BIRC6: variants seen among roughly 807,000 people sequenced by gnomAD.
BIRC6 encodes the protein baculoviral IAP repeat containing 6.
In BIRC6, 98 loss-of-function variants were observed where a neutral mutation model predicts 503.3. That is an observed-to-expected ratio of 0.19 (90% CI 0.17 to 0.23). The LOEUF (loss-of-function observed/expected upper bound fraction) is 0.23. Ranked by LOEUF, BIRC6 falls within the 10% of genes least tolerant of loss-of-function variation. The pLI is 1.00. For missense variants in BIRC6, 5,360 were observed against 5,806.0 expected, an observed-to-expected ratio of 0.92 and a Z score of 2.50; for synonymous variants, 2,240 against 2,078.7, an observed-to-expected ratio of 1.08 and a Z score of -2.11.
At chr2:32,505,599 TC>T (rs1439847619) in intron 50 of BIRC6, among the ~76,000 whole-genome samples, 3 of 152,200 alleles carry the variant, frequency 2.0e-5, no homozygotes, top group Non-Finnish European at 4.4e-5. Context: ...GTGCCTGCCC[TC>T]CAACTTCTTT....
At chr2:32,536,648 C>G (rs566201469) in intron 61 of BIRC6, among the ~76,000 whole-genome samples, 23 of 152,246 alleles carry the variant, frequency 1.5e-4, no homozygotes, top group African/African-American at 5.3e-4. Flanking sequence ...GGGCTCTGTT[C>G]TGTTCCATTG....
Position 32,596,678 on chromosome 2 carries a change from A to G in BIRC6, c.13613-1073A>G, listed in dbSNP as rs1409815020. ...TTGTGTATGTGTGTTTCTGTTGGAC[A>G]TAAATATTTTATTGGGCTTTAGATT... On this transcript the variant is annotated intron_variant, in intron 68 of 73. Transcript: ENST00000421745. Among the ~76,000 whole-genome samples the G allele has an allele frequency of 5.3e-5, 8 of 152,296 alleles. No individual in the cohort carries two copies. In the South Asian group the frequency reaches 6.2e-4, roughly 12 times the overall value.
intron 45 of BIRC6, among the ~76,000 whole-genome samples, chr2:32,495,938 C>T (rs1013447049): frequency 2.6e-5 from 4 of 151,366 alleles, no homozygotes; most frequent in Non-Finnish European, 5.9e-5. Flanking sequence ...CCTGGGTTCA[C>T]GCCATTCTCC....
At chr2:32,401,420 T>C in intron 7 of BIRC6, 35 bp downstream of exon 7, 1 of 1,611,882 alleles carries the variant, frequency 6.2e-7, no homozygotes, top group Non-Finnish European at 8.5e-7. Context: ...AATTAGTAAT[T>C]GAAAAAAGAT....
intron 36 of BIRC6, among the ~76,000 whole-genome samples, chr2:32,479,090 A>C (rs950470011): frequency 1.3e-5 from 2 of 152,230 alleles, no homozygotes; most frequent in African/African-American, 4.8e-5. Context: ...TTTATTATTA[A>C]CATCAGTGGT....
rs1301849419 is a variant in BIRC6 at position 32,430,908 on chromosome 2, G to A, written c.3066G>A (p.Leu1022=). The A allele has an allele frequency of 1.9e-6, 3 of 1,540,136 alleles. No individual in the cohort carries two copies. The African/African-American group carries it at 4.3e-5, about 22-fold the overall frequency. The change falls in exon 12 of 74, where the codon TTG becomes TTA. Residue 1022 remains leucine (L), a synonymous_variant. Coordinates refer to ENST00000421745, the MANE Select transcript of BIRC6 (RefSeq NM_016252.4). The stretch of plus-strand genomic sequence containing the variant: ...ACCAGCCATTCACCCTTGAAATCTT[G>A]ACATCCCTAGTGGAGCTAACCCGCT... ...LVDQPFTLEI[L]TSLVELTRFE... is the part of the protein sequence containing the mutation.
intron 22 of BIRC6, among the ~76,000 whole-genome samples, chr2:32,449,363 G>T (rs778944009): frequency 1.3e-5 from 2 of 152,252 alleles, no homozygotes; most frequent in Middle Eastern, 6.8e-3. Context: ...ATAATTTTCT[G>T]CATCTGTCAC....
Position 32,518,355 on chromosome 2 carries a change from G to A in BIRC6, c.11451G>A (p.Leu3817=). The A allele has an allele frequency of 6.2e-7, 1 of 1,607,116 alleles. No homozygotes were observed. The highest frequency in any genetic ancestry group is 1.1e-5 in the South Asian group (1 of 88,798). ...GAAGATTATTTTTACAGTTGATGCTGGAAGATGAGAAAGTGACAATGTTTC... is the reference window on the plus strand; with the variant it reads ...GAAGATTATTTTTACAGTTGATGCTAGAAGATGAGAAAGTGACAATGTTTC... ...FIRRLFLQLM[L]EDEKVTMFLQ... is the part of the protein sequence containing the mutation. Residue 3817 remains leucine (L), a synonymous_variant, in exon 56 of 74, where the codon CTG becomes CTA. Transcript: ENST00000421745.
Position 32,499,770 on chromosome 2 carries a change from G to C in BIRC6, c.8692G>C (p.Ala2898Pro). The C allele has an allele frequency of 6.2e-7, 1 of 1,613,968 alleles. No individual in the cohort carries two copies. Among genetic ancestry groups the C allele is most frequent in the Non-Finnish European group, 8.5e-7 (1 of 1,179,854 alleles). ...GARACFGGLF[A>P]NLIRPGDAKA... ...TCGAGCATGCTTTGGGGGACTCTTT[G>C]CCAATCTTATTCGTCCGGGTGATGC... is the stretch of plus-strand genomic sequence containing the variant. The change falls in exon 46 of 74, where the codon GCC (alanine) becomes CCC (proline). Residue 2898 changes from alanine (A) to proline (P), a missense_variant. Ala to Pro is a conservative substitution (Grantham distance 27). Around this residue, in one of 16 missense-constraint regions of BIRC6, gnomAD observed 2,299 missense variants for 2,267.2 expected, o/e 1.01. Coordinates refer to ENST00000421745, the MANE Select transcript of BIRC6 (RefSeq NM_016252.4).
At chr2:32,537,733 G>C (rs1349840582) in intron 61 of BIRC6, among the ~76,000 whole-genome samples, 2 of 152,164 alleles carry the variant, frequency 1.3e-5, no homozygotes, top group East Asian at 3.9e-4. Context: ...TTGGGAGGCC[G>C]AGGCGGGCGG....
chr2:32,436,126 C>T lies in BIRC6; in HGVS notation c.3573C>T (p.Gly1191=). The change falls in exon 15 of 74, where the codon GGC becomes GGT. Residue 1191 remains glycine, a synonymous_variant. Transcript: ENST00000421745. ...GTGGGCCAGTATGGCTTGCTAGTGG[C>T]CTTGATCTATCAGGGCATGCTGGAA... ...ILCGPVWLAS[G]LDLSGHAGML... is the part of the protein sequence containing the mutation. 6.7e-7 allele frequency: 1 copy of T among 1,497,260 alleles called. No homozygotes were observed. The highest frequency in any genetic ancestry group is 9.0e-7 in the Non-Finnish European group (1 of 1,109,754). The allele number at this position is 1,497,260 out of a possible 1,614,324, so 92.7% of individuals were successfully genotyped here.
chr2:32,534,986 C>T (rs1191178433), intron 61 of BIRC6, among the ~76,000 whole-genome samples: 2 of 151,168 alleles, frequency 1.3e-5, no homozygotes, highest in African/African-American at 2.4e-5. Flanking sequence ...GATATGCATG[C>T]CTGGAACTGT....
intron 73 of BIRC6, among the ~76,000 whole-genome samples, chr2:32,613,734 T>G (rs2063047204): frequency 6.6e-6 from 1 of 152,228 alleles, no homozygotes; most frequent in Non-Finnish European, 1.5e-5. Context: ...TCATAACATT[T>G]GTCTAATGTT....
intron 58 of BIRC6, 67 bp downstream of exon 58, chr2:32,525,086 A>C (rs2056140691): frequency 7.5e-7 from 1 of 1,331,222 alleles, no homozygotes; most frequent in African/African-American, 1.5e-5. Flanking sequence ...AATTTTAGTT[A>C]CAGGAAATTT....
rs142360777 is a variant in BIRC6, at chr2:32,587,693, C to T, written c.13356-6222C>T. 3.7e-3 allele frequency among the ~76,000 whole-genome samples: 557 copies of T among 152,282 alleles called. 3 individuals are homozygous for T. Among genetic ancestry groups the T allele is most frequent in the African/African-American group, 0.012 (499 of 41,552 alleles). ...GAGCCGAGATCACGCCACTGCACTCCATCCTGTGCGACAGAGCGAGAATCT... is the reference window on the plus strand; with the variant it reads ...GAGCCGAGATCACGCCACTGCACTCTATCCTGTGCGACAGAGCGAGAATCT... On this transcript the variant is annotated intron_variant, in intron 66 of 73. Coordinates refer to ENST00000421745, the MANE Select transcript of BIRC6 (RefSeq NM_016252.4).
chr2:32,401,652 A>G (rs768731818), intron 8 of BIRC6, 29 bp downstream of exon 8: 33 of 1,573,036 alleles, frequency 2.1e-5, no homozygotes, highest in Non-Finnish European at 2.8e-5. Flanking sequence ...GTAGTATTTA[A>G]TAGATGTTAC....
chr2:32,425,065 GAAAT>G (rs1335425550), intron 10 of BIRC6, among the ~76,000 whole-genome samples: 2 of 150,986 alleles, frequency 1.3e-5, no homozygotes, highest in African/African-American at 4.9e-5. Flanking sequence ...AATAGACGTA[GAAAT>G]ATCTATTCAT....
At chr2:32,592,278 G>C (rs978870134) in intron 66 of BIRC6, among the ~76,000 whole-genome samples, 1 of 152,182 alleles carries the variant, frequency 6.6e-6, no homozygotes, top group Non-Finnish European at 1.5e-5. Flanking sequence ...GGGAAGATAA[G>C]AAGAGAGCAC....
At position 32,476,224 on chromosome 2, in the gene BIRC6, A is replaced by C. The variant is rs746251917; in HGVS notation, c.6732A>C (p.Leu2244=). ...QLVHHKQQLN[L]LKAKQKALVE... ...TTTGTTTTATAAAGCAACTTAACCT[A>C]CTAAAAGCAAAGCAGAAGGCATTGG... The change falls in exon 34 of 74, where the codon CTA becomes CTC. Residue 2244 remains leucine, a synonymous_variant. Coordinates refer to ENST00000421745, the MANE Select transcript of BIRC6 (RefSeq NM_016252.4). The C allele has an allele frequency of 3.2e-6, 5 of 1,545,164 alleles. No individual in the cohort carries two copies. Among genetic ancestry groups the C allele is most frequent in the Non-Finnish European group, 4.4e-6 (5 of 1,145,114 alleles).
Sources: gnomAD v4.1 joint callset for allele counts (sites outside exome capture counted in the v4.1 genomes callset) on GRCh38, gnomAD v4.1.1 for gene constraint, gnomAD v4.1.1 regional missense constraint, MANE v1.5 for transcripts, NCBI Gene and HGNC (gene_info 2026-07-23, HGNC 2026-07-21) for gene names.